SHISA5: variants seen among roughly 807,000 people sequenced by gnomAD.
The protein encoded by SHISA5 is shisa family member 5, also known as protein shisa-5.
SHISA5 carries 21 observed loss-of-function variants against 27.5 expected under a neutral mutation model. The observed-to-expected ratio is 0.76, with a 90% CI of 0.54 to 1.10. The LOEUF is 1.10. Ranked by LOEUF, SHISA5 falls within the 50% of genes least tolerant of loss-of-function variation. SHISA5 has a pLI of 0.00. For synonymous variants in SHISA5, 137 were observed against 142.2 expected, an observed-to-expected ratio of 0.96 and a Z score of 0.26; for missense variants, 314 against 336.3, an observed-to-expected ratio of 0.93 and a Z score of 0.52.
Position 48,473,415 on chromosome 3 carries a change from C to G in SHISA5, c.315-3572G>C. ...CTCTAGCTCAGCAGCACCCCCACCCCCACTTCCACCTAACCCACCGGCCCT... is the reference window on the plus strand; with the variant it reads ...CTCTAGCTCAGCAGCACCCCCACCCGCACTTCCACCTAACCCACCGGCCCT... On this transcript the variant is annotated intron_variant, in intron 3 of 5. Transcript: ENST00000296444. The surrounding 1 kb of genome is among the most constrained non-coding windows in gnomAD (Gnocchi z 4.3). The G allele has an allele frequency of 7.6e-7, 1 of 1,310,778 alleles. No individual in the cohort carries two copies. The highest frequency in any genetic ancestry group is 1.0e-6 in the Non-Finnish European group (1 of 1,003,218). The allele number at this position is 1,310,778 out of a possible 1,614,324, so 81.2% of individuals were successfully genotyped here.
chr3:48,484,594 A>C (rs760914969), intron 2 of SHISA5, among the ~76,000 whole-genome samples: 16 of 149,144 alleles, frequency 1.1e-4, no homozygotes, highest in Non-Finnish European at 2.1e-4. Flanking sequence ...CTGTCTCAAA[A>C]CCAAAAAATA....
chr3:48,497,691 A>G (rs1482943195), intron 2 of SHISA5, among the ~76,000 whole-genome samples: 1 of 152,064 alleles, frequency 6.6e-6, no homozygotes, highest in Non-Finnish European at 1.5e-5. Context: ...GTTTAAGACA[A>G]GCCTGGGCAA....
intron 2 of SHISA5, among the ~76,000 whole-genome samples, chr3:48,490,652 T>C (rs949508426): frequency 3.3e-5 from 5 of 152,178 alleles, no homozygotes; most frequent in Non-Finnish European, 5.9e-5. Flanking sequence ...TAACCCTATA[T>C]ATCATGATTT....
At chr3:48,484,928 G>T (rs963334861) in intron 2 of SHISA5, among the ~76,000 whole-genome samples, 2 of 152,088 alleles carry the variant, frequency 1.3e-5, no homozygotes, top group Non-Finnish European at 2.9e-5. Context: ...GCAATGGCTC[G>T]TGCCTACAGG....
At chr3:48,495,816 C>T (rs1304681251) in intron 2 of SHISA5, among the ~76,000 whole-genome samples, 2 of 147,430 alleles carry the variant, frequency 1.4e-5, no homozygotes, top group Non-Finnish European at 2.9e-5. Context: ...CCACCACACC[C>T]AAACAGTTTT....
At chr3:48,497,899 A>G (rs1318582095) in intron 2 of SHISA5, among the ~76,000 whole-genome samples, 1 of 151,240 alleles carries the variant, frequency 6.6e-6, no homozygotes, top group Non-Finnish European at 1.5e-5. Context: ...AAAAAAAAAA[A>G]GAAGAGAGAG....
chr3:48,496,492 A>C (rs1025359543), intron 2 of SHISA5, among the ~76,000 whole-genome samples: 2 of 151,936 alleles, frequency 1.3e-5, no homozygotes, highest in Non-Finnish European at 2.9e-5. Flanking sequence ...GCTACATGGG[A>C]GGCTGAGGCG....
At chr3:48,504,182 TCGCCC>T (rs761324745), upstream of SHISA5, 17 of 546,750 alleles carry the variant, frequency 3.1e-5, no homozygotes, top group Admixed American at 1.3e-4. This position sits in a 1 kb window ranked among gnomAD's most constrained non-coding sequence, Gnocchi z 4.0. Flanking sequence ...CCCCTCTCCC[TCGCCC>T]CGCCCCGCCC....
In SHISA5 at chr3:48,469,505, G is replaced by T. The variant is rs756350853; in HGVS notation, c.499C>A (p.Pro167Thr). Residue 167 changes from proline (P) to threonine (T), a missense_variant, in exon 5 of 6, where the codon CCC (proline) becomes ACC (threonine). By Grantham distance (38) the Pro-to-Thr change is conservative. Coordinates refer to ENST00000296444, the MANE Select transcript of SHISA5 (RefSeq NM_016479.6). The surrounding 1 kb of genome is among the most constrained non-coding windows in gnomAD (Gnocchi z 4.6). Reference protein sequence around the residue: ...APYPQPPSVPPSYPGPSYQGY... With the variant: ...APYPQPPSVPTSYPGPSYQGY... ...TGGTAGCTTGGTCCAGGGTAGCTGG[G>T]CGGCACACTTGGAGGCTGAGGATAA... 1 of 1,613,930 alleles carries T rather than the reference G, an allele frequency of 6.2e-7. No individual in the cohort carries two copies. Among genetic ancestry groups the T allele is most frequent in the Non-Finnish European group, 8.5e-7 (1 of 1,179,922 alleles).
At position 48,468,445 on chromosome 3, in the gene SHISA5, C is replaced by T; in HGVS notation, c.*662G>A. On this transcript the variant is annotated 3_prime_UTR_variant, in exon 6 of 6. Transcript: ENST00000296444. ...GGGGACAGGGGACAGTCCAGGCAGA[C>T]AGGTACAGCTGAGTAGGGCTCTGCC... 1 of 1,152,292 alleles carries T rather than the reference C, an allele frequency of 8.7e-7. No individual in the cohort carries two copies. The highest frequency in any genetic ancestry group is 1.1e-6 in the Non-Finnish European group (1 of 925,472). The allele number at this position is 1,152,292 out of a possible 1,614,324, so 71.4% of individuals were successfully genotyped here.
In SHISA5 at chr3:48,482,573, C is replaced by T. The variant is rs535316237; in HGVS notation, c.234-3316G>A. ...CCAAATATGATAGTGGTTATATTGC[C>T]CTTATATTGGAAGGGAAATAGTTAT... On this transcript the variant is annotated intron_variant, in intron 2 of 5. Transcript: ENST00000296444. Among the ~76,000 whole-genome samples, 413 of 152,072 alleles carry T rather than the reference C, an allele frequency of 2.7e-3. 2 individuals are homozygous for T. The highest frequency in any genetic ancestry group is 9.6e-3 in the African/African-American group (400 of 41,502).
At chr3:48,491,496 C>T (rs1481474102) in intron 2 of SHISA5, among the ~76,000 whole-genome samples, 1 of 152,116 alleles carries the variant, frequency 6.6e-6, no homozygotes, top group Non-Finnish European at 1.5e-5. Context: ...GGTGCCCGGA[C>T]CACCTTGGGC....
chr3:48,501,068 C>G (rs2041738241), intron 2 of SHISA5, 69 bp downstream of exon 2: 1 of 1,499,292 alleles, frequency 6.7e-7, no homozygotes, highest in East Asian at 2.4e-5. Context: ...AGAGCTATCT[C>G]TCTTCCACAT....
chr3:48,474,127 G>A (rs2040737900), intron 3 of SHISA5, among the ~76,000 whole-genome samples: 1 of 151,380 alleles, frequency 6.6e-6, no homozygotes, highest in Non-Finnish European at 1.5e-5. Flanking sequence ...TCACTCTGTT[G>A]CCCAGGCTGG....
In SHISA5 at chr3:48,501,217, G is replaced by A; in HGVS notation, c.153C>T (p.Thr51=). 1 of 1,614,148 alleles carries A rather than the reference G, an allele frequency of 6.2e-7. No individual in the cohort carries two copies. The highest frequency in any genetic ancestry group is 2.2e-5 in the East Asian group (1 of 44,884). ...CAGAGCAGCAGTATTGGTCATCACA[G>A]GTACCACAGCAGAAATCTGGACAGG... ...PESCPDFCCG[T]CDDQYCCSDV... Residue 51 remains threonine, a synonymous_variant, in exon 2 of 6, where the codon ACC becomes ACT. Transcript: ENST00000296444.
rs1246727966 is a variant in SHISA5, at chr3:48,469,014, A to G, written c.*93T>C. On this transcript the variant is annotated 3_prime_UTR_variant, in exon 6 of 6. Coordinates refer to ENST00000296444, the MANE Select transcript of SHISA5 (RefSeq NM_016479.6). This position sits in a 1 kb window ranked among gnomAD's most constrained non-coding sequence, Gnocchi z 4.6. Reference sequence around the variant, plus strand: ...CGTAAGGAACCGTGCCTGGACACACACAGCACACATGGGGCGTAAGGAACC... The same window carrying G: ...CGTAAGGAACCGTGCCTGGACACACGCAGCACACATGGGGCGTAAGGAACC... The G allele has an allele frequency of 6.3e-7, 1 of 1,595,804 alleles. No individual in the cohort carries two copies. The highest frequency in any genetic ancestry group is 8.5e-7 in the Non-Finnish European group (1 of 1,173,162).
In SHISA5 at chr3:48,479,267, G is replaced by A. The variant is rs780256202; in HGVS notation, c.234-10C>T. 1.2e-6 allele frequency: 2 copies of A among 1,602,248 alleles called. No homozygotes were observed. Among genetic ancestry groups the A allele is most frequent in the Non-Finnish European group, 1.7e-6 (2 of 1,177,318 alleles). On this transcript the variant is annotated splice_polypyrimidine_tract_variant and intron_variant, in intron 2 of 5. Coordinates refer to ENST00000296444, the MANE Select transcript of SHISA5 (RefSeq NM_016479.6). ...TACACTGGCAGGCACGCTGCAAACA[G>A]GAAACCTTGTGATTAGCACAATGAA...
chr3:48,483,717 G>C (rs1212785258), intron 2 of SHISA5, among the ~76,000 whole-genome samples: 1 of 151,158 alleles, frequency 6.6e-6, no homozygotes, highest in Non-Finnish European at 1.5e-5. Context: ...CGGGTGGGGG[G>C]CTGACCCCCC....
At position 48,473,363 on chromosome 3, in the gene SHISA5, C is replaced by A. The variant is rs1214381538; in HGVS notation, c.315-3520G>T. The A allele has an allele frequency of 1.5e-6, 2 of 1,354,114 alleles. No homozygotes were observed. The highest frequency in any genetic ancestry group is 1.2e-5 in the South Asian group (1 of 81,326). 83.9% of individuals were successfully genotyped at this position (1,354,114 alleles called of 1,614,324 possible). The stretch of plus-strand genomic sequence containing the variant: ...TGGCCACTAGGGGGTCTAAGAGCCA[C>A]CCCAGCCTCAGTGGGCCCCAACCAC... On this transcript the variant is annotated intron_variant, in intron 3 of 5. Transcript: ENST00000296444. The surrounding 1 kb of genome is among the most constrained non-coding windows in gnomAD (Gnocchi z 4.3).
Sources: allele counts gnomAD v4.1 joint callset (sites outside exome capture counted in the v4.1 genomes callset), GRCh38; gene constraint gnomAD v4.1.1; non-coding constraint Gnocchi (gnomAD v3.1); transcripts MANE v1.5; gene names NCBI Gene and HGNC (gene_info 2026-07-23, HGNC 2026-07-21).